The following TMCC1 variants were observed in gnomAD, a reference collection of about 807,000 sequenced individuals.
The protein encoded by TMCC1 is transmembrane and coiled-coil domains protein 1.
Under a neutral mutation model 52.4 loss-of-function variants are expected in TMCC1, and 15 were observed. That is an observed-to-expected ratio of 0.29 (90% CI 0.19 to 0.44). The LOEUF (loss-of-function observed/expected upper bound fraction) is 0.44. TMCC1 is among the 20% of genes least tolerant of loss of function. TMCC1 has a pLI of 1.00. For synonymous variants in TMCC1, 279 were observed against 301.9 expected (o/e 0.92, Z 0.79); for missense variants, 503 against 806.0 (o/e 0.62, Z 4.55).
chr3:129,678,429 C>T (rs1576416292), intron 4 of TMCC1, among the ~76,000 whole-genome samples: 1 of 134,662 alleles, frequency 7.4e-6, no homozygotes, highest in Non-Finnish European at 1.5e-5. Context: ...GGCATAATCT[C>T]GGCTCACTGC....
chr3:129,759,967 C>T (rs1260889558), intron 4 of TMCC1, among the ~76,000 whole-genome samples: 2 of 151,594 alleles, frequency 1.3e-5, no homozygotes, highest in African/African-American at 2.4e-5. Context: ...GTGATCCACC[C>T]GCCTCGGCCT....
At chr3:129,822,387 C>G (rs1304007270) in intron 4 of TMCC1, among the ~76,000 whole-genome samples, 1 of 152,082 alleles carries the variant, frequency 6.6e-6, no homozygotes, top group African/African-American at 2.4e-5. Flanking sequence ...ATGCAATGAG[C>G]CATGATTGCA....
chr3:129,827,845 A>C lies in TMCC1; in HGVS notation c.534T>G (p.Ala178=), dbSNP rs759311187. 6.2e-7 allele frequency: 1 copy of C among 1,613,782 alleles called. No individual in the cohort carries two copies. The highest frequency in any genetic ancestry group is 1.1e-5 in the South Asian group (1 of 91,072). The change falls in exon 4 of 7, where the codon GCT becomes GCG. Residue 178 remains alanine, a synonymous_variant. Coordinates refer to ENST00000393238, the MANE Select transcript of TMCC1 (RefSeq NM_001017395.5). The part of the protein sequence containing the change: ...MMEIACAAAA[A]AAACLPGEEG... ...CCTCTCCTGGTAGACATGCAGCAGC[A>C]GCAGCAGCAGCAGCACAAGCTATTT...
intron 4 of TMCC1, among the ~76,000 whole-genome samples, chr3:129,717,165 T>C (rs1426943497): frequency 6.6e-6 from 1 of 152,184 alleles, no homozygotes; most frequent in African/African-American, 2.4e-5. Context: ...TACAAATTAT[T>C]TTCTTCCCAT....
At chr3:129,672,338 C>T (rs1030015568) in intron 4 of TMCC1, among the ~76,000 whole-genome samples, 8 of 152,122 alleles carry the variant, frequency 5.3e-5, no homozygotes, top group Non-Finnish European at 1.0e-4. Flanking sequence ...TGGCTCACGT[C>T]TATATTCCCA....
intron 5 of TMCC1, among the ~76,000 whole-genome samples, chr3:129,667,718 G>C (rs1249364508): frequency 6.6e-6 from 1 of 152,120 alleles, no homozygotes. Context: ...AGCAGCTAAC[G>C]TTCTGTCCTA....
chr3:129,692,836 CATTT>C (rs748878185), intron 4 of TMCC1, among the ~76,000 whole-genome samples: 5 of 152,086 alleles, frequency 3.3e-5, no homozygotes, highest in East Asian at 1.9e-4. Flanking sequence ...AAAGACAAAT[CATTT>C]ATTTATTTAT....
intron 4 of TMCC1, among the ~76,000 whole-genome samples, chr3:129,791,125 C>G (rs971050028): frequency 8.8e-5 from 13 of 147,684 alleles, no homozygotes; most frequent in Non-Finnish European, 1.6e-4. Context: ...ACGGAGTCTC[C>G]CTCTGTCGCC....
intron 1 of TMCC1, among the ~76,000 whole-genome samples, chr3:129,882,359 AAAC>A (rs1323947795): frequency 1.3e-5 from 2 of 152,070 alleles, no homozygotes; most frequent in Non-Finnish European, 1.5e-5. Context: ...AAAAAACAGA[AAAC>A]AACAAGTGCT....
intron 5 of TMCC1, among the ~76,000 whole-genome samples, chr3:129,662,916 T>A (rs1223677821): frequency 6.6e-6 from 1 of 152,206 alleles, no homozygotes; most frequent in African/African-American, 2.4e-5. Context: ...GCCTTTGCAC[T>A]GTAAGATTAT....
intron 5 of TMCC1, among the ~76,000 whole-genome samples, chr3:129,667,905 G>C (rs537742433): frequency 1.3e-5 from 2 of 152,302 alleles, no homozygotes; most frequent in East Asian, 3.9e-4. Context: ...TAGAGGAGTT[G>C]ACGGGGTATG....
intron 2 of TMCC1, chr3:129,869,122 G>A (rs1040574048): frequency 1.3e-5 from 2 of 151,888 alleles, no homozygotes; most frequent in Non-Finnish European, 1.5e-5. Flanking sequence ...GGTTGCCAGG[G>A]GAACCAACCA....
chr3:129,752,155 G>T (rs184952249), intron 4 of TMCC1, among the ~76,000 whole-genome samples: 127 of 152,288 alleles, frequency 8.3e-4, no homozygotes, highest in Admixed American at 1.5e-3. Flanking sequence ...ACTTACAACA[G>T]TTCTCTAGGT....
At position 129,650,136 on chromosome 3, in the gene TMCC1, C is replaced by A. The variant is rs958900265; in HGVS notation, c.*1345G>T. 3 of 152,490 alleles carry A rather than the reference C, an allele frequency of 2.0e-5. No homozygotes were observed. Among genetic ancestry groups the A allele is most frequent in the African/African-American group, 7.3e-5 (3 of 41,376 alleles). The allele number at this position is 152,490 out of a possible 1,614,324, so 9.4% of individuals were successfully genotyped here. A position where few individuals can be genotyped will look rare whatever the true frequency, so the allele number is the denominator to read the frequency against. On this transcript the variant is annotated 3_prime_UTR_variant, in exon 7 of 7. Coordinates refer to ENST00000393238, the MANE Select transcript of TMCC1 (RefSeq NM_001017395.5). ...GGGGCCAAAATGAAGACAGAAGACT[C>A]CACATCATCACTTTGGTTGTAATTA...
intron 4 of TMCC1, among the ~76,000 whole-genome samples, chr3:129,813,485 A>T (rs113428639): frequency 3.3e-5 from 5 of 152,322 alleles, no homozygotes; most frequent in African/African-American, 1.2e-4. Context: ...GCAATAAAAA[A>T]ATAATGAGAT....
chr3:129,802,488 T>C (rs954525624), intron 4 of TMCC1, among the ~76,000 whole-genome samples: 8 of 152,198 alleles, frequency 5.3e-5, no homozygotes, highest in Admixed American at 2.6e-4. Context: ...ACCACTGTAG[T>C]CCCAGCTACT....
At chr3:129,716,540 G>C (rs530728885) in intron 4 of TMCC1, among the ~76,000 whole-genome samples, 1 of 149,392 alleles carries the variant, frequency 6.7e-6, no homozygotes, top group African/African-American at 2.5e-5. Flanking sequence ...GTAGAGACAG[G>C]GTTTCTCCAT....
At chr3:129,726,416 C>G (rs1466155263) in intron 4 of TMCC1, among the ~76,000 whole-genome samples, 1 of 152,096 alleles carries the variant, frequency 6.6e-6, no homozygotes, top group African/African-American at 2.4e-5. Flanking sequence ...AACTTTACAT[C>G]CTCTACAATA....
intron 4 of TMCC1, among the ~76,000 whole-genome samples, chr3:129,730,535 T>C (rs1161378674): frequency 1.3e-5 from 2 of 152,236 alleles, no homozygotes; most frequent in Admixed American, 6.5e-5. Context: ...TTTACTAATA[T>C]GGCCTCATCT....
Sources: gnomAD v4.1 joint callset for allele counts (sites outside exome capture counted in the v4.1 genomes callset) on GRCh38, gnomAD v4.1.1 for gene constraint, MANE v1.5 for transcripts, NCBI Gene and HGNC (gene_info 2026-07-23, HGNC 2026-07-21) for gene names.